PCDHA4: variants seen among roughly 807,000 people sequenced by gnomAD.
PCDHA4 encodes the protein protocadherin alpha-4.
In PCDHA4, 49 loss-of-function variants were observed where a neutral mutation model predicts 61.4. The ratio of observed to expected loss-of-function variants is 0.80; its 90% CI spans 0.63 to 1.01. The LOEUF is 1.01. Among genes scored for constraint, PCDHA4 ranks in the 50% least tolerant of loss-of-function variants. The pLI, the probability that PCDHA4 is intolerant of heterozygous loss-of-function variation, is 0.00. For missense variants in PCDHA4, 1,254 were observed against 1,235.8 expected (o/e 1.01, Z -0.22); for synonymous variants, 590 against 550.3 (o/e 1.07, Z -1.01).
chr5:140,877,262 T>C (rs1554169532), intron 1 of PCDHA4: 2 of 1,613,670 alleles, frequency 1.2e-6, no homozygotes, highest in South Asian at 2.2e-5. Flanking sequence ...GTGCGCGCGG[T>C]GGACGCTGAC....
intron 1 of PCDHA4, among the ~76,000 whole-genome samples, chr5:140,940,086 A>G (rs373629874): frequency 6.6e-6 from 1 of 152,214 alleles, no homozygotes; most frequent in African/African-American, 2.4e-5. Flanking sequence ...TTTCTGCTAA[A>G]TTGAAACTTT....
At position 140,852,910 on chromosome 5, in the gene PCDHA4, G is replaced by A. The variant is rs2150524838; in HGVS notation, c.2385+43338G>A. On this transcript the variant is annotated intron_variant, in intron 1 of 3. Transcript: ENST00000530339. The stretch of plus-strand genomic sequence containing the variant: ...ATTTTTTTTTTTGAGTCAGAGTCTC[G>A]CTCTGTTGCCCAGGCTGGAGTGCAG... 89 of 797,098 alleles carry A rather than the reference G, an allele frequency of 1.1e-4. 6 individuals carry two copies. Among genetic ancestry groups the A allele is most frequent in the Non-Finnish European group, 1.3e-4 (84 of 645,392 alleles). The allele number at this position is 797,098 out of a possible 1,614,324, so 49.4% of individuals were successfully genotyped here. A position where few individuals can be genotyped will look rare whatever the true frequency, so the allele number is the denominator to read the frequency against.
intron 1 of PCDHA4, among the ~76,000 whole-genome samples, chr5:140,949,891 T>G (rs2094429972): frequency 6.6e-6 from 1 of 151,864 alleles, no homozygotes; most frequent in African/African-American, 2.4e-5. Context: ...TTCCTCAGAA[T>G]CTCTTTTAAT....
chr5:140,966,449 C>CT (rs1737219736), intron 1 of PCDHA4: 1 of 425,908 alleles, frequency 2.3e-6, no homozygotes, highest in South Asian at 9.0e-5. Context: ...CCCTTTCCCC[C>CT]TCCCCCTCTG....
intron 1 of PCDHA4, chr5:140,828,582 C>A: frequency 6.2e-7 from 1 of 1,614,224 alleles, no homozygotes; most frequent in Non-Finnish European, 8.5e-7. Context: ...GATGTTGGCT[C>A]AAATTCCATC....
At chr5:140,895,784 T>C (rs2065158516) in intron 1 of PCDHA4, among the ~76,000 whole-genome samples, 1 of 152,166 alleles carries the variant, frequency 6.6e-6, no homozygotes, top group Non-Finnish European at 1.5e-5. Flanking sequence ...TAGTATTCAA[T>C]GACGTATATG....
At chr5:140,927,301 C>A in intron 1 of PCDHA4, 3 of 1,614,204 alleles carry the variant, frequency 1.9e-6, no homozygotes, top group Non-Finnish European at 2.5e-6. Context: ...CCCCGAGTTC[C>A]TGACGCCCGG....
At chr5:140,967,957 C>A in intron 1 of PCDHA4, 1 of 1,614,222 alleles carries the variant, frequency 6.2e-7, no homozygotes, top group Admixed American at 1.7e-5. Context: ...CAGGCCCCAA[C>A]CGGAAAGTGA....
At chr5:140,841,244 G>C (rs2150312365) in intron 1 of PCDHA4, 34 of 1,496,206 alleles carry the variant, frequency 2.3e-5, no homozygotes, top group South Asian at 2.7e-5. Flanking sequence ...CAGCGGAATT[G>C]GATTAAAAGA....
intron 1 of PCDHA4, among the ~76,000 whole-genome samples, chr5:140,944,651 C>T (rs1554216459): frequency 6.6e-6 from 1 of 152,152 alleles, no homozygotes; most frequent in Non-Finnish European, 1.5e-5. Context: ...ATTGGGAGTC[C>T]ATACCCCTTA....
chr5:140,853,135 T>C, intron 1 of PCDHA4: 2 of 687,812 alleles, frequency 2.9e-6, no homozygotes, highest in Non-Finnish European at 3.7e-6. Context: ...CGCCTCAGCC[T>C]CCCAAAATGC....
chr5:140,836,198 G>C lies in PCDHA4; in HGVS notation c.2385+26626G>C. The C allele has an allele frequency of 3.1e-6, 5 of 1,613,862 alleles. 1 individual carries two copies. The South Asian group carries it at 5.5e-5, about 18-fold the overall frequency. ...TTGACGCTGACTCAGGCTACAACGC[G>C]TGGCTTTCGTATGAGTTGCAACCGG... is the stretch of plus-strand genomic sequence containing the variant. On this transcript the variant is annotated intron_variant, in intron 1 of 3. Transcript: ENST00000530339.
chr5:140,811,055 G>T (rs1295637288), intron 1 of PCDHA4: 1 of 151,942 alleles, frequency 6.6e-6, no homozygotes, highest in South Asian at 2.1e-4. Flanking sequence ...TGTGCACAAC[G>T]TGCAGGTTTG....
intron 1 of PCDHA4, chr5:140,829,819 A>G: frequency 6.2e-7 from 1 of 1,613,876 alleles, no homozygotes. Flanking sequence ...CTGGTGGTGC[A>G]GTGAGCGAGC....
At chr5:140,969,057 T>G in intron 1 of PCDHA4, 2 of 1,614,162 alleles carry the variant, frequency 1.2e-6, no homozygotes, top group Non-Finnish European at 1.7e-6. Context: ...AACAACAATA[T>G]TGATGCCAGG....
At position 140,828,716 on chromosome 5, in the gene PCDHA4, A is replaced by C. The variant is rs142386076; in HGVS notation, c.2385+19144A>C. On this transcript the variant is annotated intron_variant, in intron 1 of 3. Coordinates refer to ENST00000530339, the MANE Select transcript of PCDHA4 (RefSeq NM_018907.4). ...GGACAGAGAGGAAGCTCCTGCACACAACTTATTCCTGACAGCCACAGATGG... is the reference window on the plus strand; with the variant it reads ...GGACAGAGAGGAAGCTCCTGCACACCACTTATTCCTGACAGCCACAGATGG... The C allele has an allele frequency of 1.3e-4, 211 of 1,614,274 alleles. No homozygotes were observed. In the African/African-American group the frequency reaches 2.2e-3, roughly 17 times the overall value.
chr5:140,818,777 C>T (rs1420309458), intron 1 of PCDHA4, among the ~76,000 whole-genome samples: 20 of 152,210 alleles, frequency 1.3e-4, no homozygotes, highest in African/African-American at 4.8e-4. Context: ...CTGCAATGAA[C>T]TTTGACTGTA....
intron 1 of PCDHA4, chr5:140,868,478 AT>A (rs1444050987): frequency 1.3e-5 from 2 of 152,364 alleles, no homozygotes; most frequent in Non-Finnish European, 2.9e-5. Flanking sequence ...TAAAACTTCA[AT>A]TTTTTCTTTG....
intron 1 of PCDHA4, among the ~76,000 whole-genome samples, chr5:140,959,354 A>C (rs1021119947): frequency 2.0e-5 from 3 of 152,244 alleles, no homozygotes; most frequent in African/African-American, 7.2e-5. Context: ...CAGCGGGACA[A>C]CTGAGTGAGA....
Sources: gnomAD v4.1 joint callset for allele counts (sites outside exome capture counted in the v4.1 genomes callset) on GRCh38, gnomAD v4.1.1 for gene constraint, MANE v1.5 for transcripts, NCBI Gene and HGNC (gene_info 2026-07-23, HGNC 2026-07-21) for gene names.